AEBP2: variants seen among roughly 807,000 people sequenced by gnomAD.
AEBP2 encodes zinc finger protein AEBP2.
In AEBP2, 10 loss-of-function variants were observed where a neutral mutation model predicts 50.8. The ratio of observed to expected loss-of-function variants is 0.20; its 90% CI spans 0.12 to 0.33. The LOEUF (loss-of-function observed/expected upper bound fraction) is 0.33, where lower values mean the gene tolerates loss of function less well. Among genes scored for constraint, AEBP2 ranks in the 10% least tolerant of loss-of-function variants. The pLI is 1.00. For synonymous variants in AEBP2, 296 were observed against 261.3 expected, an observed-to-expected ratio of 1.13 and a Z score of -1.28; for missense variants, 570 against 688.0, an observed-to-expected ratio of 0.83 and a Z score of 1.92.
At chr12:19,462,829 C>G (rs1459340628) in intron 2 of AEBP2, 112 bp downstream of exon 2, 7 of 977,470 alleles carry the variant, frequency 7.2e-6, no homozygotes, top group Non-Finnish European at 1.0e-5. Context: ...TTTACACAGG[C>G]TTAGTTTTTT....
intron 5 of AEBP2, among the ~76,000 whole-genome samples, chr12:19,502,672 G>C (rs768635200): frequency 6.7e-6 from 1 of 149,874 alleles, no homozygotes; most frequent in Non-Finnish European, 1.5e-5. Flanking sequence ...TTTTGAGATG[G>C]ACTTTCGCTC....
chr12:19,488,774 A>G (rs1948853097), intron 3 of AEBP2, among the ~76,000 whole-genome samples: 2 of 152,178 alleles, frequency 1.3e-5, no homozygotes, highest in Non-Finnish European at 2.9e-5. Flanking sequence ...CAAATTTTAG[A>G]AAAGCTACTT....
At chr12:19,408,261 G>C (rs1164630121) in intron 1 of AEBP2, among the ~76,000 whole-genome samples, 3 of 152,008 alleles carry the variant, frequency 2.0e-5, no homozygotes, top group African/African-American at 7.2e-5. Flanking sequence ...GGCAGAAGTA[G>C]AAAGACTTTT....
chr12:19,432,801 T>C (rs1264102654), intron 1 of AEBP2, among the ~76,000 whole-genome samples: 1 of 152,028 alleles, frequency 6.6e-6, no homozygotes, highest in African/African-American at 2.4e-5. Context: ...GGATTTGACT[T>C]AGTGAGAGAC....
intron 2 of AEBP2, among the ~76,000 whole-genome samples, chr12:19,465,639 G>A (rs1948459086): frequency 1.3e-5 from 2 of 151,930 alleles, no homozygotes; most frequent in Non-Finnish European, 2.9e-5. Context: ...CGATCTGCCC[G>A]CCTTGGCCTC....
chr12:19,465,090 T>C (rs902760287), intron 2 of AEBP2, among the ~76,000 whole-genome samples: 1 of 152,092 alleles, frequency 6.6e-6, no homozygotes, highest in Non-Finnish European at 1.5e-5. Flanking sequence ...ATTCTCTAGC[T>C]GATTTTAAGA....
intron 3 of AEBP2, among the ~76,000 whole-genome samples, chr12:19,488,100 AAGGAACTG>A (rs1276948657): frequency 6.6e-6 from 1 of 151,668 alleles, no homozygotes; most frequent in Non-Finnish European, 1.5e-5. Context: ...TTTTTTACAT[AAGGAACTG>A]AGGCAAGAAC....
At chr12:19,488,578 C>T (rs867878986) in intron 3 of AEBP2, among the ~76,000 whole-genome samples, 6 of 151,820 alleles carry the variant, frequency 4.0e-5, no homozygotes, top group Middle Eastern at 3.4e-3. Flanking sequence ...CTTTAGATCG[C>T]CTCCTCATTA....
intron 5 of AEBP2, among the ~76,000 whole-genome samples, chr12:19,506,758 A>T (rs1490741607): frequency 6.6e-6 from 1 of 152,184 alleles, no homozygotes; most frequent in Non-Finnish European, 1.5e-5. Flanking sequence ...AGTGAGAATG[A>T]TAGTGGCTTA....
intron 4 of AEBP2, among the ~76,000 whole-genome samples, chr12:19,497,755 A>G (rs1026851146): frequency 1.3e-5 from 2 of 152,174 alleles, no homozygotes; most frequent in African/African-American, 4.8e-5. Flanking sequence ...GATTACAGGC[A>G]TGAGCCGCTG....
At chr12:19,486,001 T>C (rs1948804065) in intron 3 of AEBP2, among the ~76,000 whole-genome samples, 1 of 150,716 alleles carries the variant, frequency 6.6e-6, no homozygotes, top group African/African-American at 2.4e-5. Context: ...TAATGTATAG[T>C]TGTGTCTAAT....
At chr12:19,445,241 C>T (rs565094118) in intron 1 of AEBP2, among the ~76,000 whole-genome samples, 6 of 152,192 alleles carry the variant, frequency 3.9e-5, no homozygotes. Context: ...CTCTGTCACC[C>T]AGGCTGGAGT....
chr12:19,444,351 A>G (rs933852480), intron 1 of AEBP2, among the ~76,000 whole-genome samples: 5 of 152,336 alleles, frequency 3.3e-5, no homozygotes, highest in Admixed American at 2.6e-4. Context: ...TTCAAGTAGT[A>G]AATTAGCTTT....
rs1049043941 is a variant in AEBP2 at position 19,514,664 on chromosome 12, T to C, written c.1368-7T>C. The C allele has an allele frequency of 1.9e-6, 3 of 1,581,854 alleles. No homozygotes were observed. The highest frequency in any genetic ancestry group is 3.7e-5 in the Admixed American group (2 of 54,784). On this transcript the variant is annotated splice_region_variant and splice_polypyrimidine_tract_variant and intron_variant, in intron 6 of 7. Transcript: ENST00000266508. Reference sequence around the variant, plus strand: ...ACTTTATTATTGACTTGTTTTTTAATTCATAGTCTGCCTGATGTGTGGGTG... The same window carrying C: ...ACTTTATTATTGACTTGTTTTTTAACTCATAGTCTGCCTGATGTGTGGGTG...
chr12:19,447,723 T>A (rs1948098435), intron 1 of AEBP2, among the ~76,000 whole-genome samples: 1 of 152,174 alleles, frequency 6.6e-6, no homozygotes, highest in Non-Finnish European at 1.5e-5. Flanking sequence ...GATGGTGCAG[T>A]GGAAAGAATA....
intron 2 of AEBP2, among the ~76,000 whole-genome samples, chr12:19,470,974 GT>G (rs545234862): frequency 8.3e-4 from 125 of 150,672 alleles, no homozygotes; most frequent in Non-Finnish European, 1.3e-3. Context: ...AAGTAATTGC[GT>G]TTTTTTTCAA....
chr12:19,509,228 G>A, intron 5 of AEBP2: 1 of 349,748 alleles, frequency 2.9e-6, no homozygotes, highest in African/African-American at 2.1e-5. Context: ...AGTGTTGAAG[G>A]CACAAGCACA....
At position 19,439,964 on chromosome 12, in the gene AEBP2, A is replaced by G; in HGVS notation, c.265A>G (p.Ser89Gly). ...AETMSEPSPE[S>G]ASQAGEDEDE... ...GACGATGTCGGAGCCGAGCCCCGAGAGCGCCAGCCAGGCCGGGGAGGACGA... is the reference window on the plus strand; with the variant it reads ...GACGATGTCGGAGCCGAGCCCCGAGGGCGCCAGCCAGGCCGGGGAGGACGA... Residue 89 changes from serine (S) to glycine (G), a missense_variant, in exon 1 of 8, where the codon AGC becomes GGC. Around this residue, in one of 2 missense-constraint regions of AEBP2, gnomAD observed 386 missense variants for 336.8 expected, o/e 1.15. Coordinates refer to ENST00000266508, the MANE Select transcript of AEBP2 (RefSeq NM_153207.5). 1 of 1,519,234 alleles carries G rather than the reference A, an allele frequency of 6.6e-7. No homozygotes were observed. The highest frequency in any genetic ancestry group is 8.8e-7 in the Non-Finnish European group (1 of 1,140,492). The allele number at this position is 1,519,234 out of a possible 1,614,324, so 94.1% of individuals were successfully genotyped here. A position where few individuals can be genotyped will look rare whatever the true frequency, so the allele number is the denominator to read the frequency against.
Position 19,475,245 on chromosome 12 carries a change from A to G in AEBP2, c.987+1890A>G, listed in dbSNP as rs376784843. Among the ~76,000 whole-genome samples, 154 of 139,374 alleles carry G rather than the reference A, an allele frequency of 1.1e-3. 1 individual carries two copies. The highest frequency in any genetic ancestry group is 4.0e-3 in the African/African-American group (148 of 36,590). The allele number at this position is 139,374 out of a possible 152,430, so 91.4% of individuals were successfully genotyped here. On this transcript the variant is annotated intron_variant, in intron 3 of 7. Transcript: ENST00000266508. ...CTAACCACCCCCACCCTTCCCTCCT[A>G]GTCCCCAAAGTCTATTATATCATTC...
Sources: allele counts gnomAD v4.1 joint callset (sites outside exome capture counted in the v4.1 genomes callset), GRCh38; gene constraint gnomAD v4.1.1; regional missense constraint gnomAD v4.1.1; transcripts MANE v1.5; gene names NCBI Gene and HGNC (gene_info 2026-07-23, HGNC 2026-07-21).